Variants in UNC45B observed in about 807,000 individuals in gnomAD.
UNC45B encodes the protein protein unc-45 homolog B.
Under a neutral mutation model 98.7 loss-of-function variants are expected in UNC45B, and 78 were observed. That is an observed-to-expected ratio of 0.79 (90% CI 0.66 to 0.95). The LOEUF (loss-of-function observed/expected upper bound fraction) is 0.95. UNC45B is among the 40% of genes least tolerant of loss of function. UNC45B has a pLI of 0.00. For missense variants in UNC45B, 1,225 were observed against 1,184.9 expected (o/e 1.03, Z -0.50); for synonymous variants, 462 against 480.4 (o/e 0.96, Z 0.50).
chr17:35,178,032 TG>T (rs1193167681), intron 17 of UNC45B, among the ~76,000 whole-genome samples: 6 of 152,118 alleles, frequency 3.9e-5, no homozygotes, highest in Non-Finnish European at 7.4e-5. Flanking sequence ...CTCGAGTAGC[TG>T]GGACTACAGG....
Position 35,171,351 on chromosome 17 carries a change from G to A in UNC45B, c.1719G>A (p.Val573=), listed in dbSNP as rs752557412. 9.3e-6 allele frequency: 15 copies of A among 1,614,170 alleles called. No individual in the cohort carries two copies. The highest frequency in any genetic ancestry group is 8.9e-5 in the East Asian group (4 of 44,880). ...KTSDKTILYS[V]ATTLVNCTNS... is the part of the protein sequence containing the mutation. ...GTGACAAGACCATCCTGTACTCGGT[G>A]GCCACCACCCTGGTGAACTGCACCA... Residue 573 remains valine, a synonymous_variant, in exon 13 of 20, where the codon GTG becomes GTA. Transcript: ENST00000394570.
At chr17:35,152,493 G>A (rs1176866268) in intron 4 of UNC45B, among the ~76,000 whole-genome samples, 2 of 152,190 alleles carry the variant, frequency 1.3e-5, no homozygotes, top group Admixed American at 1.3e-4. Flanking sequence ...TACATTTCAA[G>A]TGTGTTAAAA....
chr17:35,178,384 C>G (rs1037314329), intron 17 of UNC45B, among the ~76,000 whole-genome samples: 5 of 151,830 alleles, frequency 3.3e-5, no homozygotes, highest in Non-Finnish European at 5.9e-5. Flanking sequence ...CTTTTTGATG[C>G]GGTTGTTTTT....
chr17:35,174,939 A>AAAAG lies in UNC45B; in HGVS notation c.1958+582_1958+585dup, dbSNP rs1230720522. ...AGAAGGGAGGAAGGAGAAAGAAAGA[A>AAAAG]AAAGAAAGAAAGAAAAAGAAAGAGA... On this transcript the variant is annotated intron_variant, in intron 14 of 19. Coordinates refer to ENST00000394570, the MANE Select transcript of UNC45B (RefSeq NM_001267052.2). Among the ~76,000 whole-genome samples, 40 of 96,906 alleles carry AAAAG rather than the reference A, an allele frequency of 4.1e-4. 1 individual carries two copies. Among genetic ancestry groups the AAAAG allele is most frequent in the Admixed American group, 3.0e-4 (3 of 9,974 alleles). 63.6% of individuals were successfully genotyped at this position (96,906 alleles called of 152,430 possible). A position where few individuals can be genotyped will look rare whatever the true frequency, so the allele number is the denominator to read the frequency against.
chr17:35,178,126 G>A (rs1320755613), intron 17 of UNC45B, among the ~76,000 whole-genome samples: 4 of 152,012 alleles, frequency 2.6e-5, no homozygotes, highest in Non-Finnish European at 5.9e-5. Context: ...TCTCAAACTC[G>A]TGACCTCAGG....
chr17:35,182,868 G>A (rs1035793123), intron 18 of UNC45B, among the ~76,000 whole-genome samples: 1 of 152,002 alleles, frequency 6.6e-6, no homozygotes, highest in Non-Finnish European at 1.5e-5. Flanking sequence ...GATGCTGTGA[G>A]GGGTTAATAC....
At chr17:35,153,531 T>A (rs1223584604) in intron 5 of UNC45B, among the ~76,000 whole-genome samples, 1 of 152,094 alleles carries the variant, frequency 6.6e-6, no homozygotes, top group Non-Finnish European at 1.5e-5. Context: ...GGGAAAAAAA[T>A]TGAACATTCG....
At chr17:35,161,583 A>G (rs545563117) in intron 8 of UNC45B, among the ~76,000 whole-genome samples, 4 of 152,310 alleles carry the variant, frequency 2.6e-5, no homozygotes, top group South Asian at 4.1e-4. Context: ...CCCCAGCCCT[A>G]CTGAGCACTT....
rs1341364677 is a variant in UNC45B, at chr17:35,180,694, G to A, written c.2373+18G>A. ...ACAAGGAGGTGAGGCAGGGGCTCAG[G>A]ATGGAGACCCGGGCGTGATCAAGGC... On this transcript the variant is annotated intron_variant, in intron 18 of 19. Transcript: ENST00000394570. The A allele has an allele frequency of 1.3e-6, 2 of 1,599,288 alleles. No individual in the cohort carries two copies. Among genetic ancestry groups the A allele is most frequent in the Non-Finnish European group, 1.7e-6 (2 of 1,168,014 alleles).
chr17:35,151,420 C>A (rs2092018897), intron 4 of UNC45B, among the ~76,000 whole-genome samples: 1 of 152,052 alleles, frequency 6.6e-6, no homozygotes, highest in South Asian at 2.1e-4. Flanking sequence ...GAACTCCTGG[C>A]CTCATGTGAT....
In UNC45B at chr17:35,177,093, C is replaced by T; in HGVS notation, c.2102C>T (p.Ala701Val). ...GCCCACGCTCTAGCAAAGATCGCTG[C>T]TGTCTCCAATCCGGACATTGCTTTT... ...KAAHALAKIA[A>V]VSNPDIAFPG... The change falls in exon 16 of 20, where the codon GCT (alanine) becomes GTT (valine). Residue 701 changes from alanine (A) to valine (V), a missense_variant. Transcript: ENST00000394570. 1 of 1,614,202 alleles carries T rather than the reference C, an allele frequency of 6.2e-7. No individual in the cohort carries two copies. The highest frequency in any genetic ancestry group is 8.5e-7 in the Non-Finnish European group (1 of 1,180,036).
chr17:35,159,574 C>A, intron 8 of UNC45B, 29 bp downstream of exon 8: 1 of 1,602,070 alleles, frequency 6.2e-7, no homozygotes, highest in Non-Finnish European at 8.5e-7. Context: ...TTGGGGCTTG[C>A]TCAAGCCTTT....
rs754403691 is a variant in UNC45B at position 35,168,247 on chromosome 17, C to T, written c.1338C>T (p.Ile446=). 3.2e-6 allele frequency: 5 copies of T among 1,580,148 alleles called. No individual in the cohort carries two copies. The highest frequency in any genetic ancestry group is 4.3e-6 in the Non-Finnish European group (5 of 1,162,948). ...TDQLVAVEAL[I]HASTKLSRAT... ...AGCTGGTGGCCGTGGAGGCCCTCAT[C>T]CATGCCTCCACGAAGCTCAGCCGCG... The change falls in exon 10 of 20, where the codon ATC becomes ATT. Residue 446 remains isoleucine, a synonymous_variant. Coordinates refer to ENST00000394570, the MANE Select transcript of UNC45B (RefSeq NM_001267052.2).
intron 8 of UNC45B, among the ~76,000 whole-genome samples, chr17:35,161,070 C>A (rs962410095): frequency 6.6e-6 from 1 of 152,196 alleles, no homozygotes; most frequent in African/African-American, 2.4e-5. Context: ...CCACTTCCTC[C>A]CTGCCTCATT....
chr17:35,187,384 C>A lies in UNC45B; in HGVS notation c.*825C>A, dbSNP rs1486021938. The A allele has an allele frequency of 6.6e-6, 1 of 152,162 alleles. No individual in the cohort carries two copies. The highest frequency in any genetic ancestry group is 1.9e-4 in the East Asian group (1 of 5,198). 9.4% of individuals were successfully genotyped at this position (152,162 alleles called of 1,614,324 possible). A position where few individuals can be genotyped will look rare whatever the true frequency, so the allele number is the denominator to read the frequency against. ...ATTATAGGTTTGTCTCATTCCCTGG[C>A]AGGCTCTCTCCCTGTGATAGGAAAG... On this transcript the variant is annotated 3_prime_UTR_variant, in exon 20 of 20. Coordinates refer to ENST00000394570, the MANE Select transcript of UNC45B (RefSeq NM_001267052.2).
In UNC45B at chr17:35,154,708, C is replaced by G. The variant is rs762217527; in HGVS notation, c.606C>G (p.Thr202=). 1.9e-6 allele frequency: 3 copies of G among 1,603,982 alleles called. No homozygotes were observed. The highest frequency in any genetic ancestry group is 3.5e-5 in the Admixed American group (2 of 57,510). The change falls in exon 6 of 20, where the codon ACC becomes ACG. Residue 202 remains threonine (T), a synonymous_variant. Transcript: ENST00000394570. ...KPELVLAAVR[T]LSGMCSGHQA... ...AGCTGGTGCTGGCTGCAGTGCGGAC[C>G]CTGTCGGGCATGTGCAGCGGCCACC...
intron 8 of UNC45B, among the ~76,000 whole-genome samples, chr17:35,163,346 T>C (rs2092115037): frequency 6.6e-6 from 1 of 152,218 alleles, no homozygotes; most frequent in Non-Finnish European, 1.5e-5. Flanking sequence ...TCTGTTATTT[T>C]GGTAGCCAGT....
Position 35,177,075 on chromosome 17 carries a change from C to G in UNC45B, c.2084C>G (p.Ala695Gly). Residue 695 changes from alanine (A) to glycine (G), a missense_variant, in exon 16 of 20, where the codon GCT becomes GGT. By Grantham distance (60) the Ala-to-Gly change is moderately conservative. Coordinates refer to ENST00000394570, the MANE Select transcript of UNC45B (RefSeq NM_001267052.2). ...TDVGKVKAAH[A>G]LAKIAAVSNP... is the part of the protein sequence containing the mutation. ...GTGGGCAAGGTGAAGGCAGCCCACG[C>G]TCTAGCAAAGATCGCTGCTGTCTCC... is the stretch of plus-strand genomic sequence containing the variant. 6.2e-7 allele frequency: 1 copy of G among 1,614,242 alleles called. No homozygotes were observed. Among genetic ancestry groups the G allele is most frequent in the African/African-American group, 1.3e-5 (1 of 75,066 alleles).
intron 5 of UNC45B, 65 bp downstream of exon 5, chr17:35,153,047 C>T: frequency 1.4e-6 from 2 of 1,413,162 alleles, no homozygotes; most frequent in Non-Finnish European, 2.0e-6. Flanking sequence ...TGACATCATT[C>T]CGAGGGGGAA....
Sources: gnomAD v4.1 joint callset for allele counts (sites outside exome capture counted in the v4.1 genomes callset) on GRCh38, gnomAD v4.1.1 for gene constraint, MANE v1.5 for transcripts, NCBI Gene and HGNC (gene_info 2026-07-23, HGNC 2026-07-21) for gene names.